The following HDAC9 variants were observed in gnomAD, a reference collection of about 807,000 sequenced individuals.
HDAC9 encodes histone deacetylase 9, also known as MEF-2 interacting transcription repressor (MITR) protein.
In HDAC9, 41 loss-of-function variants were observed where a neutral mutation model predicts 139.4. The ratio of observed to expected loss-of-function variants is 0.29; its 90% CI spans 0.23 to 0.38. The LOEUF is 0.38. HDAC9 is among the 10% of genes least tolerant of loss of function. HDAC9 has a pLI of 1.00. For synonymous variants in HDAC9, 517 were observed against 476.2 expected, an observed-to-expected ratio of 1.09 and a Z score of -1.12; for missense variants, 1,147 against 1,297.0, an observed-to-expected ratio of 0.88 and a Z score of 1.78.
Position 18,156,575 on chromosome 7 carries a change from T to C in HDAC9, c.-96-5654T>C, listed in dbSNP as rs116636670. 6.4e-3 allele frequency among the ~76,000 whole-genome samples: 979 copies of C among 152,356 alleles called. 12 individuals are homozygous for C. Among genetic ancestry groups the C allele is most frequent in the African/African-American group, 0.023 (947 of 41,588 alleles). Reference sequence around the variant, plus strand: ...TGCTCACTTATTCATCAGGAACTTATTGTGTACCTGCCATGTATCAGGTAC... The same window carrying C: ...TGCTCACTTATTCATCAGGAACTTACTGTGTACCTGCCATGTATCAGGTAC... On this transcript the variant is annotated intron_variant, in intron 1 of 12. Transcript: ENST00000417496.
chr7:18,294,654 T>C (rs577614054), intron 1 of HDAC9, among the ~76,000 whole-genome samples: 2 of 152,310 alleles, frequency 1.3e-5, no homozygotes, highest in East Asian at 1.9e-4. Flanking sequence ...GGTCATGTTA[T>C]GCAGCTGCAT....
At chr7:18,968,596 C>T (rs1784038716) in intron 24 of HDAC9, among the ~76,000 whole-genome samples, 1 of 152,080 alleles carries the variant, frequency 6.6e-6, no homozygotes, top group East Asian at 1.9e-4. Flanking sequence ...CAGGCTGCAG[C>T]ATAGAGAAGA....
At chr7:18,990,476 C>A (rs1193885961) in intron 25 of HDAC9, among the ~76,000 whole-genome samples, 2 of 152,218 alleles carry the variant, frequency 1.3e-5, no homozygotes, top group Non-Finnish European at 2.9e-5. Flanking sequence ...ACATTTAAGT[C>A]TGCAGAGGTT....
chr7:18,475,270 C>T (rs1795029156), intron 1 of HDAC9, among the ~76,000 whole-genome samples: 2 of 152,162 alleles, frequency 1.3e-5, no homozygotes, highest in Admixed American at 1.3e-4. Context: ...TGCCATGTCA[C>T]CAAATATTCT....
intron 1 of HDAC9, among the ~76,000 whole-genome samples, chr7:18,138,739 G>C (rs1298633551): frequency 1.3e-5 from 2 of 152,178 alleles, no homozygotes; most frequent in Non-Finnish European, 2.9e-5. Context: ...GCAGGGAAAT[G>C]CCCAGGGACA....
chr7:18,760,094 C>T (rs1020477102), intron 14 of HDAC9, among the ~76,000 whole-genome samples: 5 of 152,048 alleles, frequency 3.3e-5, no homozygotes, highest in African/African-American at 7.2e-5. Flanking sequence ...TCAGCATATA[C>T]GATGTTAGTG....
chr7:18,444,260 A>T (rs910173761), intron 1 of HDAC9, among the ~76,000 whole-genome samples: 3 of 150,206 alleles, frequency 2.0e-5, no homozygotes, highest in African/African-American at 7.4e-5. Context: ...AATTGCTTGA[A>T]CCTGGGAGAA....
intron 2 of HDAC9, among the ~76,000 whole-genome samples, chr7:18,178,958 A>G (rs12536864): frequency 0.038 from 5,810 of 152,234 alleles, 295 homozygotes; most frequent in East Asian, 0.24. Flanking sequence ...TAGGATCTTA[A>G]ACTTTCTGTG....
At chr7:18,152,258 C>CTATTA (rs1180496014) in intron 1 of HDAC9, among the ~76,000 whole-genome samples, 1 of 152,104 alleles carries the variant, frequency 6.6e-6, no homozygotes, top group Non-Finnish European at 1.5e-5. Context: ...TCCCTAGTGA[C>CTATTA]CCTGCAAGTA....
chr7:18,753,994 T>G (rs1271936136), intron 14 of HDAC9, among the ~76,000 whole-genome samples: 1 of 152,116 alleles, frequency 6.6e-6, no homozygotes, highest in South Asian at 2.1e-4. Context: ...TTGTAAGCTA[T>G]AGTGTAAATT....
intron 2 of HDAC9, among the ~76,000 whole-genome samples, chr7:18,565,110 C>T (rs560532807): frequency 9.2e-5 from 14 of 152,110 alleles, no homozygotes; most frequent in African/African-American, 3.4e-4. Flanking sequence ...GATTCTCCTG[C>T]CTTGGCCTTC....
intron 6 of HDAC9, among the ~76,000 whole-genome samples, chr7:18,595,561 G>T (rs1832238979): frequency 6.6e-6 from 1 of 151,992 alleles, no homozygotes; most frequent in Non-Finnish European, 1.5e-5. Context: ...CCAGGTCTTA[G>T]GGCAGTGAAT....
At chr7:18,576,415 A>G (rs187502723) in intron 2 of HDAC9, among the ~76,000 whole-genome samples, 5 of 152,266 alleles carry the variant, frequency 3.3e-5, no homozygotes, top group Admixed American at 2.0e-4. Flanking sequence ...TAATCCCAGC[A>G]CTTTGGGAGG....
chr7:18,775,634 A>G (rs1185763035), intron 16 of HDAC9, among the ~76,000 whole-genome samples: 3 of 151,754 alleles, frequency 2.0e-5, no homozygotes, highest in Middle Eastern at 3.4e-3. Flanking sequence ...ATACCATCCT[A>G]TGTGCTAAGT....
chr7:18,734,277 C>T (rs1156363696), intron 13 of HDAC9, among the ~76,000 whole-genome samples: 1 of 152,124 alleles, frequency 6.6e-6, no homozygotes, highest in African/African-American at 2.4e-5. Flanking sequence ...ATGAGCACAA[C>T]GTGCAGGTTT....
At chr7:18,965,201 A>G (rs1176396600) in intron 24 of HDAC9, among the ~76,000 whole-genome samples, 1 of 152,188 alleles carries the variant, frequency 6.6e-6, no homozygotes, top group Non-Finnish European at 1.5e-5. Flanking sequence ...TGGAATATCC[A>G]TGTTTGTCTA....
chr7:18,636,044 TG>T (rs1246508557), intron 8 of HDAC9, among the ~76,000 whole-genome samples: 1 of 152,112 alleles, frequency 6.6e-6, no homozygotes. Flanking sequence ...ATCCAGAAGT[TG>T]TCTCTGATGA....
chr7:18,830,096 A>G (rs1007970327), intron 19 of HDAC9, among the ~76,000 whole-genome samples: 3 of 152,212 alleles, frequency 2.0e-5, no homozygotes, highest in African/African-American at 7.2e-5. Flanking sequence ...TTAGTCTTGT[A>G]TTTTAACGTG....
At chr7:18,362,097 C>T (rs749982556) in intron 1 of HDAC9, among the ~76,000 whole-genome samples, 7 of 152,306 alleles carry the variant, frequency 4.6e-5, no homozygotes, top group Admixed American at 6.5e-5. Flanking sequence ...TCCTAGGTGT[C>T]GTAGCTCTCC....
Sources: gnomAD v4.1 joint callset for allele counts (sites outside exome capture counted in the v4.1 genomes callset) on GRCh38, gnomAD v4.1.1 for gene constraint, MANE v1.5 for transcripts, NCBI Gene and HGNC (gene_info 2026-07-23, HGNC 2026-07-21) for gene names.